Variants in ABR observed in about 807,000 individuals in gnomAD.
The protein encoded by ABR is active breakpoint cluster region-related protein.
A neutral mutation model predicts 107.2 loss-of-function variants in ABR; 35 were observed. That is an observed-to-expected ratio of 0.33 (90% CI 0.25 to 0.43). The LOEUF is 0.43. ABR is among the 20% of genes least tolerant of loss of function. The pLI, the probability that ABR is intolerant of heterozygous loss-of-function variation, is 1.00. For missense variants in ABR, 815 were observed against 1,115.2 expected (o/e 0.73, Z 3.83); for synonymous variants, 498 against 462.0 (o/e 1.08, Z -1.00).
intron 1 of ABR, among the ~76,000 whole-genome samples, chr17:1,218,791 A>G (rs1256258338): frequency 6.6e-6 from 1 of 152,168 alleles, no homozygotes; most frequent in African/African-American, 2.4e-5. Flanking sequence ...GTAGGTCACC[A>G]AGATGGGCCC....
intron 10 of ABR, among the ~76,000 whole-genome samples, chr17:1,064,273 C>T (rs78980327): frequency 0.27 from 3,222 of 11,894 alleles, 998 homozygotes; most frequent in East Asian, 0.55. Context: ...CATGTTCCTC[C>T]AGACACTGTT....
chr17:1,189,188 G>A (rs1383457474), upstream of ABR, among the ~76,000 whole-genome samples: 6 of 152,166 alleles, frequency 3.9e-5, no homozygotes, highest in Admixed American at 3.3e-4. Context: ...GGGTCCGTTG[G>A]TTGGAGCAGT....
intron 1 of ABR, among the ~76,000 whole-genome samples, chr17:1,156,583 T>G (rs1389841331): frequency 1.3e-5 from 2 of 151,030 alleles, no homozygotes; most frequent in Non-Finnish European, 3.0e-5. Context: ...ACTTGGGAGG[T>G]TGAGGCAGGA....
At chr17:1,217,246 C>A (rs12602997) in intron 1 of ABR, among the ~76,000 whole-genome samples, 62,021 of 152,060 alleles carry the variant, frequency 0.41, 13,789 homozygotes, top group East Asian at 0.81. Context: ...CCGTCCCCCC[C>A]AAGGCTGCAG....
Position 1,179,696 on chromosome 17 carries a change from C to A in ABR, c.32G>T (p.Arg11Leu). The change falls in exon 1 of 23, where the codon CGC (arginine) becomes CTC (leucine). Residue 11 changes from arginine (R) to leucine (L), a missense_variant. By Grantham distance (102) the Arg-to-Leu change is moderately radical (BLOSUM62 -2). Around this residue, in one of 5 missense-constraint regions of ABR, gnomAD observed 129 missense variants for 124.8 expected, o/e 1.03. Transcript: ENST00000302538. The surrounding 1 kb of genome is among the most constrained non-coding windows in gnomAD (Gnocchi z 4.9). MEPLSHRGLP[R>L]LSWIDTLYSN... Reference sequence around the variant, plus strand: ...GTAGAGGGTGTCGATCCAGGACAGGCGCGGCAGGCCCCGGTGGCTGAGCGG... The same window carrying A: ...GTAGAGGGTGTCGATCCAGGACAGGAGCGGCAGGCCCCGGTGGCTGAGCGG... The A allele has an allele frequency of 1.3e-6, 2 of 1,558,590 alleles. No individual in the cohort carries two copies. The highest frequency in any genetic ancestry group is 1.7e-6 in the Non-Finnish European group (2 of 1,152,680).
intron 6 of ABR, among the ~76,000 whole-genome samples, chr17:1,077,908 G>A (rs1024118948): frequency 2.0e-5 from 3 of 152,182 alleles, no homozygotes; most frequent in African/African-American, 7.2e-5. Context: ...CAGGCAGGCA[G>A]GGCACCCCTT....
chr17:1,125,227 C>T lies in ABR; in HGVS notation c.202G>A (p.Gly68Arg). The T allele has an allele frequency of 6.2e-7, 1 of 1,610,046 alleles. No individual in the cohort carries two copies. Reference protein sequence around the residue: ...PQLSARSQGGGDGVSPTPPEG... With the variant: ...PQLSARSQGGRDGVSPTPPEG... ...GGTGGAGTCGGGGAGACGCCATCCC[C>T]CCCGCCCTGGCTGCGGGCGCTGAGC... Residue 68 changes from glycine to arginine, a missense_variant, in exon 2 of 23, where the codon GGG becomes AGG. Coordinates refer to ENST00000302538, the MANE Select transcript of ABR (RefSeq NM_021962.5).
chr17:1,096,334 C>T lies in ABR; in HGVS notation c.345+4303G>A, dbSNP rs187994133. Among the ~76,000 whole-genome samples the T allele has an allele frequency of 6.1e-3, 929 of 152,132 alleles. 9 individuals are homozygous for T. The highest frequency in any genetic ancestry group is 0.021 in the African/African-American group (863 of 41,502). Reference sequence around the variant, plus strand: ...TGAAAGCAAACAGGCTGGGGCAGAGCGGTGGGAATGGGGTCAGGAGTGGGA... The same window carrying T: ...TGAAAGCAAACAGGCTGGGGCAGAGTGGTGGGAATGGGGTCAGGAGTGGGA... On this transcript the variant is annotated intron_variant, in intron 3 of 22. Transcript: ENST00000302538.
intron 1 of ABR, among the ~76,000 whole-genome samples, chr17:1,178,764 A>C (rs924783326): frequency 6.6e-6 from 1 of 151,694 alleles, no homozygotes; most frequent in Non-Finnish European, 1.5e-5. Flanking sequence ...CCCTCTTCCT[A>C]ATCCCTGAGA....
At position 1,010,602 on chromosome 17, in the gene ABR, C is replaced by T; in HGVS notation, c.2236+127G>A. The T allele has an allele frequency of 1.5e-6, 2 of 1,336,852 alleles. No homozygotes were observed. The highest frequency in any genetic ancestry group is 2.0e-6 in the Non-Finnish European group (2 of 977,762). 82.8% of individuals were successfully genotyped at this position (1,336,852 alleles called of 1,614,324 possible). ...ACCCTCGGACCCCTCAGCCACAGGC[C>T]CCAGTGCACTGGGAAGGTCAGCCAG... On this transcript the variant is annotated intron_variant, in intron 20 of 22. Coordinates refer to ENST00000302538, the MANE Select transcript of ABR (RefSeq NM_021962.5). The surrounding 1 kb of genome is among the most constrained non-coding windows in gnomAD (Gnocchi z 4.1).
At chr17:1,108,996 C>A in intron 2 of ABR, 1 of 1,599,030 alleles carries the variant, frequency 6.3e-7, no homozygotes, top group Non-Finnish European at 8.5e-7. Flanking sequence ...AGCTCGCACT[C>A]CTCCAGGAGA....
chr17:1,190,762 C>T (rs1158402875), upstream of ABR, among the ~76,000 whole-genome samples: 2 of 152,186 alleles, frequency 1.3e-5, no homozygotes. Context: ...TGCTGGGATT[C>T]CGAGAAAGAA....
At position 1,058,758 on chromosome 17, in the gene ABR, T is replaced by C. The variant is rs181164986; in HGVS notation, c.1292A>G (p.Asn431Ser). 9.5e-5 allele frequency: 153 copies of C among 1,611,476 alleles called. No homozygotes were observed. In the East Asian group the frequency reaches 1.7e-3, roughly 18 times the overall value. Residue 431 changes from asparagine (N) to serine (S), a missense_variant, in exon 11 of 23, where the codon AAT becomes AGT. Physicochemically the swap from Asn to Ser is conservative, Grantham distance 46. This residue lies in a region of ABR where 385 missense variants were observed against 596.9 expected (regional missense o/e 0.64). Transcript: ENST00000302538. ...NSPTIPFRIH[N>S]RNGKSYLFLL... is the part of the protein sequence containing the mutation. ...ACCCATCCTGACCTTTCCATTCCGA[T>C]TGTGGATCCTGAACGGGATTGTGGG...
intron 1 of ABR, among the ~76,000 whole-genome samples, chr17:1,173,019 CAA>C (rs2041779710): frequency 7.3e-6 from 1 of 137,168 alleles, no homozygotes; most frequent in East Asian, 2.1e-4. Context: ...TCAGTCCACC[CAA>C]CACATCACCT....
intron 13 of ABR, 149 bp from the exon 14 acceptor site, chr17:1,056,258 A>G: frequency 1.4e-6 from 1 of 706,944 alleles, no homozygotes; most frequent in Non-Finnish European, 2.4e-6. Flanking sequence ...AAAGTTTCCG[A>G]AGGCCACGGC....
At chr17:1,156,472 C>T (rs980172531) in intron 1 of ABR, among the ~76,000 whole-genome samples, 1 of 152,108 alleles carries the variant, frequency 6.6e-6, no homozygotes, top group Non-Finnish European at 1.5e-5. Context: ...TCACCTGACG[C>T]CAGGAGTTCA....
chr17:1,072,158 CT>C (rs1224226106), intron 8 of ABR, among the ~76,000 whole-genome samples: 1 of 152,214 alleles, frequency 6.6e-6, no homozygotes, highest in Non-Finnish European at 1.5e-5. Context: ...CTGCCTCAGC[CT>C]CCCAAAGTGC....
Position 1,179,635 on chromosome 17 carries a change from C to G in ABR, c.61+32G>C, listed in dbSNP as rs767945343. ...TCCATCCTGGGGTCCCGATCCCGAT[C>G]CTGGGGTCCCGCCCCCGCCCGGCAC... On this transcript the variant is annotated intron_variant, in intron 1 of 22. Transcript: ENST00000302538. The surrounding 1 kb of genome is among the most constrained non-coding windows in gnomAD (Gnocchi z 4.9). 4 of 1,502,334 alleles carry G rather than the reference C, an allele frequency of 2.7e-6. No individual in the cohort carries two copies. Among genetic ancestry groups the G allele is most frequent in the Non-Finnish European group, 3.6e-6 (4 of 1,123,672 alleles). The allele number at this position is 1,502,334 out of a possible 1,614,324, so 93.1% of individuals were successfully genotyped here.
rs1021290421 is a variant in ABR at position 1,010,640 on chromosome 17, C to T, written c.2236+89G>A. ...GAAGGTCAGCCAGCAAAGGAAGCCA[C>T]AGATATTTCTCCTGCTGGTTACTTC... On this transcript the variant is annotated intron_variant, in intron 20 of 22. Transcript: ENST00000302538. This position sits in a 1 kb window ranked among gnomAD's most constrained non-coding sequence, Gnocchi z 4.1. The T allele has an allele frequency of 1.6e-5, 24 of 1,543,314 alleles. No homozygotes were observed. The South Asian group carries it at 2.9e-4, about 18-fold the overall frequency.
Sources: allele counts gnomAD v4.1 joint callset (sites outside exome capture counted in the v4.1 genomes callset), GRCh38; gene constraint gnomAD v4.1.1; regional missense constraint gnomAD v4.1.1; non-coding constraint Gnocchi (gnomAD v3.1); transcripts MANE v1.5; gene names NCBI Gene and HGNC (gene_info 2026-07-23, HGNC 2026-07-21).